The following PARD3B variants were observed in gnomAD, a reference collection of about 807,000 sequenced individuals.
PARD3B encodes the protein par-3 family cell polarity regulator beta.
A neutral mutation model predicts 130.2 loss-of-function variants in PARD3B; 103 were observed. The observed-to-expected ratio is 0.79, with a 90% CI of 0.67 to 0.93. PARD3B has a LOEUF of 0.93. Ranked by LOEUF, PARD3B falls within the 40% of genes least tolerant of loss-of-function variation. PARD3B has a pLI of 0.00. For synonymous variants in PARD3B, 583 were observed against 553.2 expected, an observed-to-expected ratio of 1.05 and a Z score of -0.76; for missense variants, 1,609 against 1,499.2, an observed-to-expected ratio of 1.07 and a Z score of -1.21.
chr2:204,937,326 A>C (rs1234112620), intron 2 of PARD3B, among the ~76,000 whole-genome samples: 1 of 152,150 alleles, frequency 6.6e-6, no homozygotes. Flanking sequence ...TCTGACACCC[A>C]TTCAGCTTGG....
intron 22 of PARD3B, among the ~76,000 whole-genome samples, chr2:205,614,610 GT>G (rs2055353346): frequency 6.6e-6 from 1 of 151,932 alleles, no homozygotes; most frequent in Non-Finnish European, 1.5e-5. Context: ...GTAGGCTGAG[GT>G]GGGAGAATCG....
intron 2 of PARD3B, among the ~76,000 whole-genome samples, chr2:204,915,826 A>G (rs2047420966): frequency 1.3e-5 from 2 of 152,236 alleles, no homozygotes; most frequent in Admixed American, 1.3e-4. Context: ...TATTAATGAC[A>G]TCAGACAAAT....
intron 15 of PARD3B, among the ~76,000 whole-genome samples, chr2:205,210,933 G>A (rs532593603): frequency 6.6e-6 from 1 of 151,986 alleles, no homozygotes; most frequent in East Asian, 1.9e-4. Flanking sequence ...TCAAATTTCA[G>A]CCCTTGCTCA....
At chr2:205,117,915 G>GTATACACACACACACACACACACA (rs1553617391) in intron 6 of PARD3B, among the ~76,000 whole-genome samples, 1 of 133,500 alleles carries the variant, frequency 7.5e-6, no homozygotes, top group Non-Finnish European at 1.6e-5. Context: ...ATGTATGTGT[G>GTATACACACACACACACACACACA]TACACACACA....
At position 205,366,645 on chromosome 2, in the gene PARD3B, C is replaced by A. The variant is rs1333889208; in HGVS notation, c.2631-34368C>A. The stretch of plus-strand genomic sequence containing the variant: ...GCATACAGATGACACTCAAATCTGT[C>A]TCCTCTCAAGCCTAAATTCACACTT... On this transcript the variant is annotated intron_variant, in intron 18 of 22. Transcript: ENST00000406610. The surrounding 1 kb of genome is among the most constrained non-coding windows in gnomAD (Gnocchi z 5.0). Among the ~76,000 whole-genome samples, 2 of 152,124 alleles carry A rather than the reference C, an allele frequency of 1.3e-5. No homozygotes were observed. The highest frequency in any genetic ancestry group is 2.9e-5 in the Non-Finnish European group (2 of 68,038).
intron 2 of PARD3B, among the ~76,000 whole-genome samples, chr2:204,782,129 A>C (rs1305960733): frequency 6.6e-6 from 1 of 152,068 alleles, no homozygotes; most frequent in Non-Finnish European, 1.5e-5. Flanking sequence ...GTGTAATATC[A>C]CTGGTTTCCT....
intron 2 of PARD3B, among the ~76,000 whole-genome samples, chr2:204,793,963 G>T (rs2042282544): frequency 6.6e-6 from 1 of 152,080 alleles, no homozygotes; most frequent in Non-Finnish European, 1.5e-5. Context: ...TTTTTTTCTG[G>T]CACTTTATTA....
chr2:204,775,830 T>C (rs564571997), intron 2 of PARD3B, among the ~76,000 whole-genome samples: 1 of 152,262 alleles, frequency 6.6e-6, no homozygotes, highest in African/African-American at 2.4e-5. Flanking sequence ...AGGAATCAAA[T>C]AAACACCATG....
chr2:205,508,277 A>T (rs1020068491), intron 21 of PARD3B, among the ~76,000 whole-genome samples: 6 of 152,158 alleles, frequency 3.9e-5, no homozygotes, highest in Admixed American at 3.9e-4. Flanking sequence ...AGAGCCATTA[A>T]ATGTTTGTAT....
chr2:205,132,312 T>G (rs1332471312), intron 10 of PARD3B, among the ~76,000 whole-genome samples: 1 of 152,196 alleles, frequency 6.6e-6, no homozygotes, highest in Non-Finnish European at 1.5e-5. Flanking sequence ...GGCTGTGTTG[T>G]GATATTATTA....
At chr2:204,634,193 G>A (rs1166832396) in intron 1 of PARD3B, among the ~76,000 whole-genome samples, 2 of 151,962 alleles carry the variant, frequency 1.3e-5, no homozygotes, top group Non-Finnish European at 2.9e-5. Flanking sequence ...ATATCCCTGA[G>A]TTCAATTGTT....
At chr2:205,416,332 A>T (rs555489297) in intron 19 of PARD3B, among the ~76,000 whole-genome samples, 1 of 152,320 alleles carries the variant, frequency 6.6e-6, no homozygotes, top group African/African-American at 2.4e-5. Context: ...GCATCTGATA[A>T]CCATTCCTTA....
chr2:204,815,264 A>T (rs2043104207), intron 2 of PARD3B, among the ~76,000 whole-genome samples: 1 of 151,982 alleles, frequency 6.6e-6, no homozygotes, highest in Admixed American at 6.6e-5. Context: ...GGTAGTTTTT[A>T]TCTTTCAATA....
intron 20 of PARD3B, among the ~76,000 whole-genome samples, chr2:205,482,965 G>A (rs2049301427): frequency 6.6e-6 from 1 of 151,874 alleles, no homozygotes; most frequent in Non-Finnish European, 1.5e-5. Flanking sequence ...TCCCAGCTGT[G>A]AGCGGCTGAA....
chr2:204,962,368 T>C (rs1330161526), intron 2 of PARD3B, among the ~76,000 whole-genome samples: 1 of 152,072 alleles, frequency 6.6e-6, no homozygotes, highest in Non-Finnish European at 1.5e-5. Flanking sequence ...CAGTGGAAGT[T>C]CTTCTGCATG....
At position 205,121,633 on chromosome 2, in the gene PARD3B, G is replaced by C. The variant is rs1559459606; in HGVS notation, c.849G>C (p.Val283=). ...VFRQAMKSPS[V]LLHVLPPQNR... Reference sequence around the variant, plus strand: ...GCCAGGCAATGAAATCTCCAAGTGTGCTCCTCCACGTGCTTCCTCCACAAA... The same window carrying C: ...GCCAGGCAATGAAATCTCCAAGTGTCCTCCTCCACGTGCTTCCTCCACAAA... Residue 283 remains valine (V), a synonymous_variant, in exon 8 of 23, where the codon GTG becomes GTC. Transcript: ENST00000406610. The surrounding 1 kb of genome is among the most constrained non-coding windows in gnomAD (Gnocchi z 5.0). 1 of 1,614,050 alleles carries C rather than the reference G, an allele frequency of 6.2e-7. No homozygotes were observed. The highest frequency in any genetic ancestry group is 8.5e-7 in the Non-Finnish European group (1 of 1,179,962).
In PARD3B at chr2:204,853,526, C is replaced by T. The variant is rs375670062; in HGVS notation, c.223-111626C>T. On this transcript the variant is annotated intron_variant, in intron 2 of 22. Coordinates refer to ENST00000406610, the MANE Select transcript of PARD3B (RefSeq NM_001302769.2). Reference sequence around the variant, plus strand: ...CTTTCATTATACAGAATAAGTCAGACGTAAGAAAGCTGGCAATGGAAGTCA... The same window carrying T: ...CTTTCATTATACAGAATAAGTCAGATGTAAGAAAGCTGGCAATGGAAGTCA... Among the ~76,000 whole-genome samples, 12 of 152,110 alleles carry T rather than the reference C, an allele frequency of 7.9e-5. No homozygotes were observed. The South Asian group carries it at 8.3e-4, about 11-fold the overall frequency.
intron 1 of PARD3B, among the ~76,000 whole-genome samples, chr2:204,642,174 C>G (rs1574603492): frequency 6.6e-6 from 1 of 152,150 alleles, no homozygotes; most frequent in Non-Finnish European, 1.5e-5. Flanking sequence ...GGAATTCTAC[C>G]TAAGCCTGTT....
chr2:204,957,871 G>A (rs773715107), intron 2 of PARD3B, among the ~76,000 whole-genome samples: 5 of 152,090 alleles, frequency 3.3e-5, no homozygotes, highest in Admixed American at 6.6e-5. Flanking sequence ...ATTAAGATTT[G>A]AGACAAACGA....
Sources: allele counts gnomAD v4.1 joint callset (sites outside exome capture counted in the v4.1 genomes callset), GRCh38; gene constraint gnomAD v4.1.1; non-coding constraint Gnocchi (gnomAD v3.1); transcripts MANE v1.5; gene names NCBI Gene and HGNC (gene_info 2026-07-23, HGNC 2026-07-21).